Variants in GSS observed in about 807,000 individuals in gnomAD.
The protein encoded by GSS is GSH synthetase.
A neutral mutation model predicts 60.4 loss-of-function variants in GSS; 34 were observed. That is an observed-to-expected ratio of 0.56 (90% CI 0.43 to 0.75). The LOEUF (loss-of-function observed/expected upper bound fraction) is 0.75. Among genes scored for constraint, GSS ranks in the 30% least tolerant of loss-of-function variants. The pLI is 0.00. For missense variants in GSS, 499 were observed against 595.1 expected (o/e 0.84, Z 1.68); for synonymous variants, 224 against 239.0 (o/e 0.94, Z 0.58).
chr20:34,931,408 C>T lies in GSS; in HGVS notation c.1039G>A (p.Gly347Arg). 1 of 1,614,058 alleles carries T rather than the reference C, an allele frequency of 6.2e-7. No individual in the cohort carries two copies. Among genetic ancestry groups the T allele is most frequent in the Non-Finnish European group, 8.5e-7 (1 of 1,179,858 alleles). The change falls in exon 11 of 13, where the codon GGG (glycine) becomes AGG (arginine). Residue 347 changes from glycine to arginine, a missense_variant. Physicochemically the swap from Gly to Arg is moderately radical, Grantham distance 125 (BLOSUM62 -2). Coordinates refer to ENST00000651619, the MANE Select transcript of GSS (RefSeq NM_000178.4). ...GLYSLDVGEEGDQAIAEALAA... is the reference protein window; with the variant it reads ...GLYSLDVGEERDQAIAEALAA... ...AGGGCCTCGGCGATGGCCTGGTCCC[C>T]TTCTTCACCCTGGCAGGAGGCAGAA... is the stretch of plus-strand genomic sequence containing the variant.
chr20:34,950,487 G>A (rs1204558485), intron 2 of GSS, among the ~76,000 whole-genome samples: 2 of 152,186 alleles, frequency 1.3e-5, no homozygotes, highest in Admixed American at 1.3e-4. Context: ...AAAGGAGGCT[G>A]GGCACGGTGG....
chr20:34,930,481 G>C (rs759906188), intron 11 of GSS, among the ~76,000 whole-genome samples: 4 of 151,902 alleles, frequency 2.6e-5, no homozygotes, highest in South Asian at 4.2e-4. Context: ...CACTATCTAG[G>C]ACATGTCTCT....
intron 3 of GSS, among the ~76,000 whole-genome samples, chr20:34,943,477 A>G (rs1298108635): frequency 6.6e-6 from 1 of 152,166 alleles, no homozygotes; most frequent in Non-Finnish European, 1.5e-5. Context: ...TCCCAGGGTG[A>G]GCCTTCTCCT....
At position 34,929,511 on chromosome 20, in the gene GSS, G is replaced by A; in HGVS notation, c.1191C>T (p.Leu397=). 1.9e-6 allele frequency: 3 copies of A among 1,613,868 alleles called. No individual in the cohort carries two copies. The highest frequency in any genetic ancestry group is 2.5e-6 in the Non-Finnish European group (3 of 1,179,716). ...AAGGCTCAGGTTCGATCTTCTCCAT[G>A]AGGATGTAGGAGGCCCTCTCCTCAC... ...KDSEERASYI[L]MEKIEPEPFE... The change falls in exon 12 of 13, where the codon CTC becomes CTT. Residue 397 remains leucine, a synonymous_variant. Transcript: ENST00000651619.
chr20:34,936,675 C>T, intron 8 of GSS, 88 bp downstream of exon 8: 2 of 982,312 alleles, frequency 2.0e-6, no homozygotes, highest in South Asian at 2.5e-5. Flanking sequence ...GCCATCACAT[C>T]TCCCAGAAGA....
intron 1 of GSS, chr20:34,954,558 A>AG (rs914832551): frequency 1.3e-5 from 2 of 151,870 alleles, no homozygotes; most frequent in Non-Finnish European, 2.9e-5. Context: ...CTGTCAAAAA[A>AG]AAAAAAAAAG....
chr20:34,943,709 C>T (rs934617060), intron 3 of GSS, among the ~76,000 whole-genome samples: 1 of 152,186 alleles, frequency 6.6e-6, no homozygotes. Flanking sequence ...TCCTTTACAG[C>T]ACTGACTGCA....
intron 3 of GSS, among the ~76,000 whole-genome samples, chr20:34,945,369 C>T (rs984105570): frequency 1.5e-5 from 2 of 136,520 alleles, no homozygotes; most frequent in African/African-American, 5.9e-5. Flanking sequence ...TAAGAAATTG[C>T]CCCAGAATCT....
chr20:34,943,361 G>C (rs2081499300), intron 3 of GSS, among the ~76,000 whole-genome samples: 1 of 152,204 alleles, frequency 6.6e-6, no homozygotes, highest in African/African-American at 2.4e-5. Flanking sequence ...AGAAGAGCTA[G>C]AAAATGACAT....
intron 9 of GSS, among the ~76,000 whole-genome samples, 155 bp from the exon 10 acceptor site, chr20:34,932,288 T>C (rs1026917892): frequency 6.6e-6 from 1 of 152,240 alleles, no homozygotes; most frequent in African/African-American, 2.4e-5. Flanking sequence ...CCAGGTGTGA[T>C]ATGTTGTAGT....
At position 34,955,725 on chromosome 20, in the gene GSS, ACTAGTTCGCCTTTC is replaced by A. The variant is rs1349133829; in HGVS notation, c.-21_-9+1del. The A allele has an allele frequency of 6.6e-6, 1 of 152,012 alleles. No individual in the cohort carries two copies. The highest frequency in any genetic ancestry group is 1.5e-5 in the Non-Finnish European group (1 of 68,004). 9.4% of individuals were successfully genotyped at this position (152,012 alleles called of 1,614,324 possible). On this transcript the variant is annotated splice_donor_variant and 5_prime_UTR_variant, in exon 1 of 13. Transcript: ENST00000651619. LOFTEE classifies it low-confidence loss of function (5UTR_SPLICE). ...CCGGCCGCCGTGGCCGCCCCAACCT[ACTAGTTCGCCTTTC>A]CTCCGCGAACGGTTCTCCCGGCCCT...
chr20:34,950,733 C>T (rs1349455989), intron 2 of GSS, among the ~76,000 whole-genome samples: 1 of 152,122 alleles, frequency 6.6e-6, no homozygotes, highest in Non-Finnish European at 1.5e-5. Flanking sequence ...TGTGCCACTA[C>T]ACTCCAGCCT....
chr20:34,930,892 G>A (rs1165252376), intron 11 of GSS, among the ~76,000 whole-genome samples: 1 of 151,986 alleles, frequency 6.6e-6, no homozygotes, highest in Non-Finnish European at 1.5e-5. Flanking sequence ...GCCTTGGCTT[G>A]AGGTTGTCCC....
chr20:34,946,125 AG>A lies in GSS; in HGVS notation c.130-28del, dbSNP rs767816221. 17 of 1,596,082 alleles carry A rather than the reference AG, an allele frequency of 1.1e-5. No homozygotes were observed. In the Admixed American group the frequency reaches 2.4e-4, roughly 22 times the overall value. On this transcript the variant is annotated intron_variant, in intron 2 of 12. Coordinates refer to ENST00000651619, the MANE Select transcript of GSS (RefSeq NM_000178.4). ...TGTGATCAAGAAGAGAGAATGGGACAGGGGTAGGGCACCTGTGAACGGGTTG... is the reference window on the plus strand; with the variant it reads ...TGTGATCAAGAAGAGAGAATGGGACAGGGTAGGGCACCTGTGAACGGGTTG...
intron 12 of GSS, 114 bp downstream of exon 12, chr20:34,929,287 C>G (rs1269017533): frequency 1.1e-6 from 1 of 930,278 alleles, no homozygotes; most frequent in Non-Finnish European, 1.8e-6. Context: ...ATTGGCAGAG[C>G]TGGCACCGAA....
At chr20:34,942,885 A>G (rs2081495373) in intron 4 of GSS, 46 bp downstream of exon 4, 1 of 1,325,362 alleles carries the variant, frequency 7.5e-7, no homozygotes, top group East Asian at 2.3e-5. Context: ...ACAAACAGAG[A>G]TGGGAGGGAC....
chr20:34,954,633 C>G (rs1027288795), intron 1 of GSS: 3 of 153,208 alleles, frequency 2.0e-5, no homozygotes, highest in African/African-American at 7.3e-5. Flanking sequence ...TTTTCTCATT[C>G]TACAGCCTCA....
rs760922408 is a variant in GSS, at chr20:34,936,940, T to C, written c.689+3A>G. ...ACCTAGAAGTCCCCCTTCCTTTACT[T>C]ACCTGGCCAGTAGCTCATTCTCTAT... is the stretch of plus-strand genomic sequence containing the variant. On this transcript the variant is annotated splice_donor_region_variant and intron_variant, in intron 7 of 12. Transcript: ENST00000651619. 9.3e-6 allele frequency: 15 copies of C among 1,612,816 alleles called. No homozygotes were observed. The highest frequency in any genetic ancestry group is 1.3e-5 in the Non-Finnish European group (15 of 1,178,956).
chr20:34,934,982 C>T (rs1164796152), intron 9 of GSS, among the ~76,000 whole-genome samples: 4 of 152,202 alleles, frequency 2.6e-5, no homozygotes, highest in African/African-American at 4.8e-5. Flanking sequence ...GGAATACCAT[C>T]GGCCTGAAAG....
Sources: gnomAD v4.1 joint callset for allele counts (sites outside exome capture counted in the v4.1 genomes callset) on GRCh38, gnomAD v4.1.1 for gene constraint, MANE v1.5 for transcripts, NCBI Gene and HGNC (gene_info 2026-07-23, HGNC 2026-07-21) for gene names.